The following DNAJB8 variants were observed in gnomAD, a reference collection of about 807,000 sequenced individuals.
DNAJB8 encodes DnaJ heat shock protein family (Hsp40) member B8, also known as dnaJ homolog subfamily B member 8.
For synonymous variants in DNAJB8, 127 were observed against 127.1 expected (o/e 1.00, Z 0.00); for missense variants, 354 against 318.9 (o/e 1.11, Z -0.84).
chr3:128,462,466 C>G lies in DNAJB8; in HGVS notation c.*81G>C. 2.8e-6 allele frequency: 4 copies of G among 1,428,166 alleles called. No homozygotes were observed. Among genetic ancestry groups the G allele is most frequent in the Non-Finnish European group, 3.8e-6 (4 of 1,050,166 alleles). 88.5% of individuals were successfully genotyped at this position (1,428,166 alleles called of 1,614,324 possible). ...CTCACTTGGCACATTTATTAACCAT[C>G]AGGCTATGTCTGCGGCCCCACGTGT... On this transcript the variant is annotated 3_prime_UTR_variant, in exon 3 of 3. Coordinates refer to ENST00000319153, the MANE Select transcript of DNAJB8 (RefSeq NM_153330.6).
Position 128,463,480 on chromosome 3 carries a change from C to A in DNAJB8, c.-235G>T. Reference sequence around the variant, plus strand: ...GAGGAGTGGGGGGAGGGGAGGGACACTGCCGCTGTGGGGCCAGGCCAGAGT... The same window carrying A: ...GAGGAGTGGGGGGAGGGGAGGGACAATGCCGCTGTGGGGCCAGGCCAGAGT... On this transcript the variant is annotated 5_prime_UTR_variant, in exon 3 of 3. Coordinates refer to ENST00000319153, the MANE Select transcript of DNAJB8 (RefSeq NM_153330.6). The A allele has an allele frequency of 2.2e-6, 1 of 452,276 alleles. No individual in the cohort carries two copies. Among genetic ancestry groups the A allele is most frequent in the Non-Finnish European group, 4.0e-6 (1 of 247,292 alleles). The allele number at this position is 452,276 out of a possible 1,614,324, so 28.0% of individuals were successfully genotyped here.
At position 128,463,139 on chromosome 3, in the gene DNAJB8, G is replaced by C; in HGVS notation, c.107C>G (p.Pro36Arg). Residue 36 changes from proline (P) to arginine (R), a missense_variant, in exon 3 of 3, where the codon CCT becomes CGT. By Grantham distance (103) the Pro-to-Arg change is moderately radical. Coordinates refer to ENST00000319153, the MANE Select transcript of DNAJB8 (RefSeq NM_153330.6). ...CTTCTCCGCCTCCTCCTTATTGTCA[G>C]GGTTCTTGTCGGGGTGCCAACGAAG... The part of the protein sequence containing the change: ...LALRWHPDKN[P>R]DNKEEAEKKF... 5 of 1,614,232 alleles carry C rather than the reference G, an allele frequency of 3.1e-6. No homozygotes were observed. The highest frequency in any genetic ancestry group is 3.4e-6 in the Non-Finnish European group (4 of 1,180,050).
At position 128,462,627 on chromosome 3, in the gene DNAJB8, C is replaced by T. The variant is rs764974602; in HGVS notation, c.619G>A (p.Val207Met). The change falls in exon 3 of 3, where the codon GTG becomes ATG. Residue 207 changes from valine to methionine, a missense_variant. Physicochemically the swap from Val to Met is conservative, Grantham distance 21 (BLOSUM62 1). Transcript: ENST00000319153. Reference protein sequence around the residue: ...KRIVENGQERVEVEEDGQLKS... With the variant: ...KRIVENGQERMEVEEDGQLKS... ...AGCTGCCCGTCTTCCTCCACCTCCA[C>T]GCGCTCCTGCCCGTTCTCCACGATG... 3.1e-6 allele frequency: 5 copies of T among 1,614,038 alleles called. No individual in the cohort carries two copies. The highest frequency in any genetic ancestry group is 2.2e-5 in the South Asian group (2 of 91,072).
Position 128,462,464 on chromosome 3 carries a change from A to G in DNAJB8, c.*83T>C, listed in dbSNP as rs1401570932. ...AACTCACTTGGCACATTTATTAACC[A>G]TCAGGCTATGTCTGCGGCCCCACGT... is the stretch of plus-strand genomic sequence containing the variant. On this transcript the variant is annotated 3_prime_UTR_variant, in exon 3 of 3. Transcript: ENST00000319153. The G allele has an allele frequency of 1.1e-5, 15 of 1,424,426 alleles. No homozygotes were observed. In the East Asian group the frequency reaches 3.4e-4, roughly 33 times the overall value. The allele number at this position is 1,424,426 out of a possible 1,614,324, so 88.2% of individuals were successfully genotyped here.
chr3:128,465,244 G>C (rs954040988), intron 2 of DNAJB8, 32 bp downstream of exon 2: 3 of 152,280 alleles, frequency 2.0e-5, no homozygotes, highest in African/African-American at 7.2e-5. Context: ...TCAAAAGCAC[G>C]ACTCGCACCC....
In DNAJB8 at chr3:128,463,601, C is replaced by T. The variant is rs375146015; in HGVS notation, c.-356G>A. Reference sequence around the variant, plus strand: ...CACCAGGCAAACCTGGGCATATGGGCCTGCCCCTGCTGGTGAGGTGGCCAC... The same window carrying T: ...CACCAGGCAAACCTGGGCATATGGGTCTGCCCCTGCTGGTGAGGTGGCCAC... On this transcript the variant is annotated 5_prime_UTR_variant, in exon 3 of 3. Coordinates refer to ENST00000319153, the MANE Select transcript of DNAJB8 (RefSeq NM_153330.6). 206 of 198,096 alleles carry T rather than the reference C, an allele frequency of 1.0e-3. 3 individuals are homozygous for T. The East Asian group carries it at 0.026, about 25-fold the overall frequency. The allele number at this position is 198,096 out of a possible 1,614,324, so 12.3% of individuals were successfully genotyped here.
Position 128,462,516 on chromosome 3 carries a change from T to C in DNAJB8, c.*31A>G. The C allele has an allele frequency of 1.3e-6, 2 of 1,575,288 alleles. No individual in the cohort carries two copies. Among genetic ancestry groups the C allele is most frequent in the South Asian group, 1.2e-5 (1 of 84,360 alleles). On this transcript the variant is annotated 3_prime_UTR_variant, in exon 3 of 3. Coordinates refer to ENST00000319153, the MANE Select transcript of DNAJB8 (RefSeq NM_153330.6). ...TTTGCTGCCCCATGCACGGTGGTGGTGGTGGGAAGGCAGGGCCGGGTGGCC... is the reference window on the plus strand; with the variant it reads ...TTTGCTGCCCCATGCACGGTGGTGGCGGTGGGAAGGCAGGGCCGGGTGGCC...
intron 2 of DNAJB8, 134 bp downstream of exon 2, chr3:128,465,142 A>G (rs1222260485): frequency 1.3e-5 from 2 of 152,238 alleles, no homozygotes; most frequent in Middle Eastern, 3.4e-3. Context: ...TGTTCTAACC[A>G]ATCCCAAATG....
Position 128,463,374 on chromosome 3 carries a change from C to T in DNAJB8, c.-129G>A, listed in dbSNP as rs1445850671. On this transcript the variant is annotated 5_prime_UTR_variant, in exon 3 of 3. Coordinates refer to ENST00000319153, the MANE Select transcript of DNAJB8 (RefSeq NM_153330.6). ...CTTCAGCAGGGGCCTGGCTGGACTC[C>T]GCAAGCTCTAGGCAAGATTCTGCCC... is the stretch of plus-strand genomic sequence containing the variant. The T allele has an allele frequency of 9.1e-6, 7 of 770,488 alleles. No homozygotes were observed. Among genetic ancestry groups the T allele is most frequent in the Admixed American group, 2.8e-5 (1 of 35,752 alleles). 47.7% of individuals were successfully genotyped at this position (770,488 alleles called of 1,614,324 possible).
In DNAJB8 at chr3:128,462,958, A is replaced by G; in HGVS notation, c.288T>C (p.Pro96=). The change falls in exon 3 of 3, where the codon CCT becomes CCC. Residue 96 remains proline, a synonymous_variant. Coordinates refer to ENST00000319153, the MANE Select transcript of DNAJB8 (RefSeq NM_153330.6). ...PFDTGYTFRN[P]EDIFREFFGG... is the part of the protein sequence containing the mutation. ...CAAAAAACTCCCGGAAGATGTCCTC[A>G]GGGTTACGGAAGGTGTAGCCGGTGT... 1 of 1,614,078 alleles carries G rather than the reference A, an allele frequency of 6.2e-7. No individual in the cohort carries two copies. Among genetic ancestry groups the G allele is most frequent in the Non-Finnish European group, 8.5e-7 (1 of 1,179,966 alleles).
chr3:128,466,196 G>A (rs893148090), intron 1 of DNAJB8: 4 of 152,238 alleles, frequency 2.6e-5, no homozygotes, highest in South Asian at 2.1e-4. Flanking sequence ...CCATGGTCAA[G>A]GCCAGTATCC....
intron 2 of DNAJB8, 22 bp from the exon 3 acceptor site, chr3:128,464,132 G>T: frequency 6.5e-6 from 1 of 154,794 alleles, no homozygotes. Context: ...AATAGGAATT[G>T]ATGATAAATA....
Position 128,462,582 on chromosome 3 carries a change from C to T in DNAJB8, c.664G>A (p.Gly222Ser), listed in dbSNP as rs529782278. The change falls in exon 3 of 3, where the codon GGC becomes AGC. Residue 222 changes from glycine (G) to serine (S), a missense_variant. Physicochemically the swap from Gly to Ser is moderately conservative, Grantham distance 56. Coordinates refer to ENST00000319153, the MANE Select transcript of DNAJB8 (RefSeq NM_153330.6). ...DGQLKSVTVNGKEQLKWMDSK is the reference protein window; with the variant it reads ...DGQLKSVTVNSKEQLKWMDSK ...TCCATCCATTTGAGCTGCTCCTTGC[C>T]GTTCACAGTCACCGACTTGAGCTGC... 49 of 1,612,312 alleles carry T rather than the reference C, an allele frequency of 3.0e-5. No homozygotes were observed. Among genetic ancestry groups the T allele is most frequent in the Non-Finnish European group, 3.9e-5 (46 of 1,178,672 alleles).
chr3:128,464,226 C>T (rs1365288823), intron 2 of DNAJB8, 116 bp from the exon 3 acceptor site: 1 of 151,994 alleles, frequency 6.6e-6, no homozygotes, highest in African/African-American at 2.4e-5. Flanking sequence ...TGAATGTGAG[C>T]TTATTTGGAA....
intron 2 of DNAJB8, among the ~76,000 whole-genome samples, 185 bp downstream of exon 2, chr3:128,465,091 C>T (rs936473376): frequency 6.6e-6 from 1 of 151,924 alleles, no homozygotes; most frequent in African/African-American, 2.4e-5. Flanking sequence ...TTTCAGTGCT[C>T]ATGGGTGCTA....
rs1444781364 is a variant in DNAJB8, at chr3:128,462,803, A to G, written c.443T>C (p.Phe148Ser). 20 of 1,614,000 alleles carry G rather than the reference A, an allele frequency of 1.2e-5. No homozygotes were observed. The highest frequency in any genetic ancestry group is 1.6e-5 in the Non-Finnish European group (19 of 1,179,996). Residue 148 changes from phenylalanine (F) to serine (S), a missense_variant, in exon 3 of 3, where the codon TTC (phenylalanine) becomes TCC (serine). Coordinates refer to ENST00000319153, the MANE Select transcript of DNAJB8 (RefSeq NM_153330.6). ...FGEFPAFMEA[F>S]SSFNMLGCSG... ...GCAGCCCAGCATGTTGAAGGATGAG[A>G]AGGCCTCCATGAAGGCCGGAAATTC... is the stretch of plus-strand genomic sequence containing the variant.
In DNAJB8 at chr3:128,462,583, G is replaced by A. The variant is rs138648780; in HGVS notation, c.663C>T (p.Asn221=). The A allele has an allele frequency of 5.1e-5, 83 of 1,612,396 alleles. No homozygotes were observed. Among genetic ancestry groups the A allele is most frequent in the Admixed American group, 6.7e-5 (4 of 59,942 alleles). The change falls in exon 3 of 3, where the codon AAC becomes AAT. Residue 221 remains asparagine (N), a synonymous_variant. Transcript: ENST00000319153. The part of the protein sequence containing the change: ...EDGQLKSVTV[N]GKEQLKWMDS... ...CCATCCATTTGAGCTGCTCCTTGCCGTTCACAGTCACCGACTTGAGCTGCC... is the reference window on the plus strand; with the variant it reads ...CCATCCATTTGAGCTGCTCCTTGCCATTCACAGTCACCGACTTGAGCTGCC...
In DNAJB8 at chr3:128,463,051, A is replaced by G; in HGVS notation, c.195T>C (p.Tyr65=). The G allele has an allele frequency of 6.2e-7, 1 of 1,614,210 alleles. No individual in the cohort carries two copies. Among genetic ancestry groups the G allele is most frequent in the African/African-American group, 1.3e-5 (1 of 75,062 alleles). The change falls in exon 3 of 3, where the codon TAT becomes TAC. Residue 65 remains tyrosine, a synonymous_variant. Coordinates refer to ENST00000319153, the MANE Select transcript of DNAJB8 (RefSeq NM_153330.6). ...GCCAGCTGTCACAGCCAGCACGGTC[A>G]TACAGGGAGCGTTTCTTGGAGTCAG... ...VLSDSKKRSL[Y]DRAGCDSWRA...
intron 2 of DNAJB8, among the ~76,000 whole-genome samples, chr3:128,464,700 A>G (rs2068498065): frequency 6.6e-6 from 1 of 152,006 alleles, no homozygotes; most frequent in Admixed American, 6.6e-5. Flanking sequence ...CCACACCAAT[A>G]AAGAGCCTAG....
Sources: gnomAD v4.1 joint callset for allele counts (sites outside exome capture counted in the v4.1 genomes callset) on GRCh38, gnomAD v4.1.1 for gene constraint, MANE v1.5 for transcripts, NCBI Gene and HGNC (gene_info 2026-07-23, HGNC 2026-07-21) for gene names.